Variants in TMEM47 observed in about 807,000 individuals in gnomAD.
TMEM47 encodes the protein brain cell membrane protein 1.
TMEM47 carries 3 observed loss-of-function variants against 12.4 expected under a neutral mutation model. The observed-to-expected ratio is 0.24, with a 90% CI of 0.11 to 0.63. The LOEUF is 0.63. TMEM47 is among the 20% of genes least tolerant of loss of function. The probability of loss-of-function intolerance (pLI) is 0.86; values close to 1 mark genes in which losing one functional copy is unlikely to be tolerated. For missense variants in TMEM47, 89 were observed against 143.8 expected (o/e 0.62, Z 1.95); for synonymous variants, 62 against 63.3 (o/e 0.98, Z 0.10).
chrX:34,631,053 C>T (rs924382541), intron 2 of TMEM47, among the ~76,000 whole-genome samples: 9 of 105,731 alleles, frequency 8.5e-5, no homozygotes, highest in Non-Finnish European at 9.7e-5. Flanking sequence ...CACCTGTAAT[C>T]CCAGCTACTC....
At chrX:34,655,020 A>G (rs1199324401) in intron 1 of TMEM47, among the ~76,000 whole-genome samples, 1 of 111,795 alleles carries the variant, frequency 8.9e-6, no homozygotes, top group Non-Finnish European at 1.9e-5. Flanking sequence ...AAAAAAGCTG[A>G]GATAAATGGG....
At chrX:34,640,117 A>C (rs1328492144) in intron 1 of TMEM47, among the ~76,000 whole-genome samples, 2 of 111,787 alleles carry the variant, frequency 1.8e-5, no homozygotes, top group African/African-American at 6.5e-5. Flanking sequence ...AGCATCAGGA[A>C]TATTGTTTGT....
Position 34,628,064 on chromosome X carries a change from C to T in TMEM47, c.*2249G>A, listed in dbSNP as rs766414652. 5.4e-5 allele frequency: 6 copies of T among 111,771 alleles called. No individual in the cohort carries two copies. In the South Asian group the frequency reaches 2.2e-3, roughly 42 times the overall value. 9.2% of individuals were successfully genotyped at this position (111,771 alleles called of 1,213,427 possible). ...TGTCACTTTGAGCTTGTCATATTGA[C>T]AGAGAATGAAAACTTGATAAGACTC... On this transcript the variant is annotated 3_prime_UTR_variant, in exon 3 of 3. Coordinates refer to ENST00000275954, the MANE Select transcript of TMEM47 (RefSeq NM_031442.4).
intron 1 of TMEM47, among the ~76,000 whole-genome samples, chrX:34,639,819 T>C (rs1370449057): frequency 9.0e-6 from 1 of 111,380 alleles, no homozygotes; most frequent in African/African-American, 3.3e-5. Context: ...ATCACCCAGA[T>C]TTTTCTCTTG....
chrX:34,648,502 C>A (rs1304986001), intron 1 of TMEM47, among the ~76,000 whole-genome samples: 1 of 111,564 alleles, frequency 9.0e-6, no homozygotes, highest in Non-Finnish European at 1.9e-5. Flanking sequence ...AGAAGATTGA[C>A]CCCTTTCTTA....
chrX:34,648,132 T>G (rs1217022330), intron 1 of TMEM47, among the ~76,000 whole-genome samples: 1 of 111,880 alleles, frequency 8.9e-6, no homozygotes, highest in Non-Finnish European at 1.9e-5. Flanking sequence ...CCAAAGGAAT[T>G]TACAGATTCA....
At chrX:34,645,680 T>A (rs754841241) in intron 1 of TMEM47, among the ~76,000 whole-genome samples, 2 of 112,077 alleles carry the variant, frequency 1.8e-5, no homozygotes, top group Non-Finnish European at 3.8e-5. Flanking sequence ...AAATGAATTC[T>A]GATTCTAATT....
At chrX:34,650,065 T>C (rs1401700969) in intron 1 of TMEM47, among the ~76,000 whole-genome samples, 1 of 112,256 alleles carries the variant, frequency 8.9e-6, no homozygotes, top group Non-Finnish European at 1.9e-5. Flanking sequence ...TGGAGAAACT[T>C]AAAGTAGAAG....
rs183327083 is a variant in TMEM47 at position 34,629,140 on chromosome X, A to G, written c.*1173T>C. 12 of 111,635 alleles carry G rather than the reference A, an allele frequency of 1.1e-4. No individual in the cohort carries two copies. Among genetic ancestry groups the G allele is most frequent in the African/African-American group, 3.9e-4 (12 of 30,830 alleles). 9.2% of individuals were successfully genotyped at this position (111,635 alleles called of 1,213,427 possible). A position where few individuals can be genotyped will look rare whatever the true frequency, so the allele number is the denominator to read the frequency against. On this transcript the variant is annotated 3_prime_UTR_variant, in exon 3 of 3. Coordinates refer to ENST00000275954, the MANE Select transcript of TMEM47 (RefSeq NM_031442.4). Reference sequence around the variant, plus strand: ...ATTTAAAATACTTGCAAAAAATAGCAGCCTTCTATTTTAATGAATTTTACA... The same window carrying G: ...ATTTAAAATACTTGCAAAAAATAGCGGCCTTCTATTTTAATGAATTTTACA...
At chrX:34,635,746 A>T (rs190265948) in intron 2 of TMEM47, among the ~76,000 whole-genome samples, 18 of 111,923 alleles carry the variant, frequency 1.6e-4, no homozygotes, top group Non-Finnish European at 3.0e-4. Context: ...AAAATAAAGT[A>T]GGGGAAGACC....
At chrX:34,644,123 T>C (rs749952306) in intron 1 of TMEM47, among the ~76,000 whole-genome samples, 2 of 111,341 alleles carry the variant, frequency 1.8e-5, no homozygotes, top group South Asian at 7.7e-4. Context: ...GGAAAATACA[T>C]ACACATAATG....
chrX:34,648,260 T>C (rs764890161), intron 1 of TMEM47, among the ~76,000 whole-genome samples: 2 of 111,795 alleles, frequency 1.8e-5, no homozygotes, highest in East Asian at 5.6e-4. Flanking sequence ...ACAAAGTTGG[T>C]CGCATCACAT....
chrX:34,630,247 G>A lies in TMEM47; in HGVS notation c.*66C>T. On this transcript the variant is annotated 3_prime_UTR_variant, in exon 3 of 3. Coordinates refer to ENST00000275954, the MANE Select transcript of TMEM47 (RefSeq NM_031442.4). The stretch of plus-strand genomic sequence containing the variant: ...AAGTGTTTTAGAAAATAGTAAGTTA[G>A]AAAAGATGCAGACGTAATCCTTTTG... 3 of 1,015,889 alleles carry A rather than the reference G, an allele frequency of 3.0e-6. No individual in the cohort carries two copies. Among genetic ancestry groups the A allele is most frequent in the Non-Finnish European group, 3.9e-6 (3 of 759,781 alleles). 83.7% of individuals were successfully genotyped at this position (1,015,889 alleles called of 1,213,427 possible). A position where few individuals can be genotyped will look rare whatever the true frequency, so the allele number is the denominator to read the frequency against.
chrX:34,635,713 G>C (rs1252102361), intron 2 of TMEM47, among the ~76,000 whole-genome samples: 2 of 111,801 alleles, frequency 1.8e-5, no homozygotes, highest in African/African-American at 6.5e-5. Flanking sequence ...TCTTAAAACA[G>C]TCAGATATTG....
intron 1 of TMEM47, among the ~76,000 whole-genome samples, chrX:34,651,794 T>C (rs1922022394): frequency 8.9e-6 from 1 of 112,181 alleles, no homozygotes; most frequent in Non-Finnish European, 1.9e-5. Flanking sequence ...AATAAAAGGA[T>C]AATAGTTTTG....
chrX:34,632,154 A>G (rs1352088643), intron 2 of TMEM47, among the ~76,000 whole-genome samples: 1 of 112,039 alleles, frequency 8.9e-6, no homozygotes, highest in Non-Finnish European at 1.9e-5. Flanking sequence ...TAACAAAAAA[A>G]GTTTGCTAAC....
chrX:34,630,862 A>G (rs960396397), intron 2 of TMEM47, among the ~76,000 whole-genome samples: 1 of 110,274 alleles, frequency 9.1e-6, no homozygotes, highest in Admixed American at 9.8e-5. Context: ...AATAAACCGT[A>G]TAAGTAGCTC....
At chrX:34,656,035 C>T (rs925495071) in intron 1 of TMEM47, among the ~76,000 whole-genome samples, 2 of 111,277 alleles carry the variant, frequency 1.8e-5, no homozygotes. Flanking sequence ...CCTTATTCTC[C>T]ACTCCCCACC....
chrX:34,653,467 T>G (rs1922051926), intron 1 of TMEM47, among the ~76,000 whole-genome samples: 1 of 112,058 alleles, frequency 8.9e-6, no homozygotes, highest in African/African-American at 3.2e-5. Context: ...AGTCAACAAA[T>G]TACACAGACA....
Sources: allele counts gnomAD v4.1 joint callset (sites outside exome capture counted in the v4.1 genomes callset), GRCh38; gene constraint gnomAD v4.1.1; transcripts MANE v1.5; gene names NCBI Gene and HGNC (gene_info 2026-07-23, HGNC 2026-07-21).